ACOXL: variants seen among roughly 807,000 people sequenced by gnomAD.
ACOXL encodes the protein acyl-CoA oxidase like.
Under a neutral mutation model 71.9 loss-of-function variants are expected in ACOXL, and 70 were observed. The observed-to-expected ratio is 0.97, with a 90% CI of 0.80 to 1.19. ACOXL has a LOEUF of 1.19. Ranked by LOEUF, ACOXL falls within the 50% of genes most tolerant of loss-of-function variation. The pLI is 0.00. For synonymous variants in ACOXL, 253 were observed against 281.6 expected (o/e 0.90, Z 1.02); for missense variants, 703 against 736.3 (o/e 0.95, Z 0.52).
intron 10 of ACOXL, among the ~76,000 whole-genome samples, chr2:110,863,309 A>C (rs989669542): frequency 3.9e-5 from 6 of 152,250 alleles, no homozygotes; most frequent in Non-Finnish European, 5.9e-5. Context: ...TCATGATATA[A>C]TGTTGAGTTA....
At chr2:110,974,525 A>G (rs965854692) in intron 12 of ACOXL, among the ~76,000 whole-genome samples, 2 of 152,250 alleles carry the variant, frequency 1.3e-5, no homozygotes, top group African/African-American at 2.4e-5. Context: ...CTTTTGCTTC[A>G]TTAGAGATAC....
At position 111,072,218 on chromosome 2, in the gene ACOXL, A is replaced by G. The variant is rs537579192; in HGVS notation, c.1441-20647A>G. 9.8e-5 allele frequency among the ~76,000 whole-genome samples: 15 copies of G among 152,344 alleles called. No individual in the cohort carries two copies. The East Asian group carries it at 2.9e-3, about 29-fold the overall frequency. On this transcript the variant is annotated intron_variant, in intron 16 of 17. Transcript: ENST00000439055. ...TTTAACCATCCTAAAATAATCCTTT[A>G]TGCTATGGCTCCATAATTGTTCTCT...
chr2:110,982,408 T>G (rs2062748211), intron 12 of ACOXL, among the ~76,000 whole-genome samples: 1 of 152,004 alleles, frequency 6.6e-6, no homozygotes, highest in Non-Finnish European at 1.5e-5. Flanking sequence ...CTCTCCTCTA[T>G]TCCCCTCCCC....
intron 9 of ACOXL, among the ~76,000 whole-genome samples, chr2:110,841,016 C>T (rs1397284190): frequency 6.6e-6 from 1 of 152,178 alleles, no homozygotes. Flanking sequence ...CATGCGTGTT[C>T]TCCTAATGCC....
chr2:110,932,340 C>T (rs980330818), intron 11 of ACOXL, among the ~76,000 whole-genome samples: 15 of 152,078 alleles, frequency 9.9e-5, no homozygotes, highest in African/African-American at 3.4e-4. Flanking sequence ...TGGGTGTGTA[C>T]GGTTGTCAAA....
intron 10 of ACOXL, among the ~76,000 whole-genome samples, chr2:110,849,005 A>T (rs1342974583): frequency 1.3e-5 from 2 of 152,142 alleles, no homozygotes; most frequent in African/African-American, 2.4e-5. Context: ...TGGAGGATTA[A>T]CTTCCCTTGT....
intron 11 of ACOXL, among the ~76,000 whole-genome samples, chr2:110,928,206 AAC>A (rs2060349518): frequency 6.6e-6 from 1 of 152,228 alleles, no homozygotes; most frequent in East Asian, 1.9e-4. Context: ...GAAAATAGCT[AAC>A]ACACATTCAA....
intron 11 of ACOXL, among the ~76,000 whole-genome samples, chr2:110,909,272 G>A (rs1312994373): frequency 6.6e-6 from 1 of 152,148 alleles, no homozygotes; most frequent in East Asian, 1.9e-4. Flanking sequence ...TTACAGTAAA[G>A]TTTTCAAAAA....
At position 110,810,349 on chromosome 2, in the gene ACOXL, T is replaced by C. The variant is rs139927160; in HGVS notation, c.753+4954T>C. ...CACAATCTTTAATGGGCAGGGATTG[T>C]GTTTTTTTATTTAGTCCCTGCAAGG... On this transcript the variant is annotated intron_variant, in intron 9 of 17. Coordinates refer to ENST00000439055, the MANE Select transcript of ACOXL (RefSeq NM_001142807.4). 1.0e-3 allele frequency among the ~76,000 whole-genome samples: 154 copies of C among 152,310 alleles called. 1 individual carries two copies. The highest frequency in any genetic ancestry group is 3.4e-3 in the Middle Eastern group (1 of 294).
chr2:110,779,830 A>G (rs945021874), intron 2 of ACOXL, among the ~76,000 whole-genome samples: 2 of 152,262 alleles, frequency 1.3e-5, no homozygotes, highest in South Asian at 4.1e-4. Flanking sequence ...AGATGCCTAA[A>G]CAGAGACTCA....
intron 17 of ACOXL, among the ~76,000 whole-genome samples, chr2:111,103,009 G>A (rs1029996092): frequency 6.6e-6 from 1 of 152,136 alleles, no homozygotes; most frequent in African/African-American, 2.4e-5. Context: ...AGCACATAGG[G>A]GCCAAGCGCT....
Position 111,117,993 on chromosome 2 carries a change from G to A in ACOXL, c.*177G>A. 1.4e-6 allele frequency: 1 copy of A among 738,214 alleles called. No homozygotes were observed. Among genetic ancestry groups the A allele is most frequent in the Non-Finnish European group, 2.2e-6 (1 of 463,126 alleles). The allele number at this position is 738,214 out of a possible 1,614,324, so 45.7% of individuals were successfully genotyped here. A position where few individuals can be genotyped will look rare whatever the true frequency, so the allele number is the denominator to read the frequency against. On this transcript the variant is annotated 3_prime_UTR_variant, in exon 18 of 18. Transcript: ENST00000439055. ...GGCGAGGTGCGCGGCTGGCTGCTAG[G>A]AAAGAGATCCAGACGGTCGCCTGGT...
chr2:111,040,588 T>C (rs188227950), intron 15 of ACOXL, among the ~76,000 whole-genome samples: 166 of 152,088 alleles, frequency 1.1e-3, no homozygotes, highest in Middle Eastern at 3.4e-3. Flanking sequence ...AGAGCCCCCA[T>C]AGACTAGGAG....
At chr2:111,094,717 G>GCC (rs1235090670) in intron 17 of ACOXL, among the ~76,000 whole-genome samples, 1 of 152,174 alleles carries the variant, frequency 6.6e-6, no homozygotes, top group Non-Finnish European at 1.5e-5. Flanking sequence ...ATACATTCAA[G>GCC]CCACAGCATC....
chr2:111,087,352 C>A (rs1217485101), intron 16 of ACOXL, among the ~76,000 whole-genome samples: 1 of 152,132 alleles, frequency 6.6e-6, no homozygotes, highest in Admixed American at 6.6e-5. Context: ...CAAGGCAATC[C>A]TAAGCAAAAG....
intron 14 of ACOXL, among the ~76,000 whole-genome samples, chr2:111,020,473 G>A (rs141257136): frequency 1.3e-3 from 196 of 152,330 alleles, no homozygotes; most frequent in African/African-American, 4.4e-3. Context: ...GTAGTTAGGT[G>A]GTGGAGGGTA....
intron 9 of ACOXL, among the ~76,000 whole-genome samples, chr2:110,825,342 C>T (rs555797098): frequency 6.6e-5 from 10 of 152,196 alleles, no homozygotes; most frequent in Admixed American, 2.6e-4. Flanking sequence ...ATTAAAAAAC[C>T]GGAAAGCTAC....
In ACOXL at chr2:110,988,719, T is replaced by A. The variant is rs187506123; in HGVS notation, c.1169+1502T>A. Reference sequence around the variant, plus strand: ...CTTCTTAATTTTTGTCAATACAATATAAGAAATGATCTCTCACCCTGACTT... The same window carrying A: ...CTTCTTAATTTTTGTCAATACAATAAAAGAAATGATCTCTCACCCTGACTT... On this transcript the variant is annotated intron_variant, in intron 13 of 17. Transcript: ENST00000439055. 2.9e-3 allele frequency among the ~76,000 whole-genome samples: 443 copies of A among 152,332 alleles called. 3 individuals carry two copies. The highest frequency in any genetic ancestry group is 0.01 in the African/African-American group (417 of 41,590).
chr2:110,809,960 C>A (rs1342325129), intron 9 of ACOXL, among the ~76,000 whole-genome samples: 1 of 152,172 alleles, frequency 6.6e-6, no homozygotes, highest in Non-Finnish European at 1.5e-5. Flanking sequence ...TCCACAGCTC[C>A]AGAGAGGTCC....
Sources: allele counts gnomAD v4.1 joint callset (sites outside exome capture counted in the v4.1 genomes callset), GRCh38; gene constraint gnomAD v4.1.1; transcripts MANE v1.5; gene names NCBI Gene and HGNC (gene_info 2026-07-23, HGNC 2026-07-21).